RAB7A: variants seen among roughly 807,000 people sequenced by gnomAD.
The protein encoded by RAB7A is ras-related protein Rab-7a.
RAB7A carries 2 observed loss-of-function variants against 24.5 expected under a neutral mutation model. That is an observed-to-expected ratio of 0.08 (90% CI 0.03 to 0.26). The LOEUF (loss-of-function observed/expected upper bound fraction) is 0.26, where lower values mean the gene tolerates loss of function less well. Among genes scored for constraint, RAB7A ranks in the 10% least tolerant of loss-of-function variants. The pLI, the probability that RAB7A is intolerant of heterozygous loss-of-function variation, is 1.00. For synonymous variants in RAB7A, 100 were observed against 95.9 expected (o/e 1.04, Z -0.25); for missense variants, 118 against 255.7 (o/e 0.46, Z 3.67).
At position 128,774,973 on chromosome 3, in the gene RAB7A, G is replaced by A. The variant is rs138810094; in HGVS notation, c.-8-20387G>A. ...TTTTTGTATTTTTAGTAGAGACGGG[G>A]TTTCACCGTTGTTGGCCAGGTTGGT... On this transcript the variant is annotated intron_variant, in intron 1 of 5. Transcript: ENST00000265062. 3.3e-3 allele frequency among the ~76,000 whole-genome samples: 505 copies of A among 152,196 alleles called. 4 individuals carry two copies. Among genetic ancestry groups the A allele is most frequent in the African/African-American group, 0.012 (480 of 41,502 alleles).
chr3:128,742,333 G>A (rs866008151), intron 1 of RAB7A, among the ~76,000 whole-genome samples: 2 of 152,182 alleles, frequency 1.3e-5, no homozygotes, highest in African/African-American at 4.8e-5. Flanking sequence ...GCAGCAGCAA[G>A]ATTTACTGCA....
intron 1 of RAB7A, among the ~76,000 whole-genome samples, chr3:128,760,534 T>G (rs1303540195): frequency 1.3e-5 from 2 of 152,178 alleles, no homozygotes; most frequent in African/African-American, 2.4e-5. Flanking sequence ...TCCTACAATG[T>G]AGAGTGCTAA....
At chr3:128,735,183 A>G (rs1332113393) in intron 1 of RAB7A, among the ~76,000 whole-genome samples, 4 of 152,218 alleles carry the variant, frequency 2.6e-5, no homozygotes, top group Non-Finnish European at 5.9e-5. Flanking sequence ...GAGTTGTTCA[A>G]TGCCTGGGGT....
chr3:128,810,453 A>G (rs751482665), intron 5 of RAB7A, among the ~76,000 whole-genome samples: 3 of 152,178 alleles, frequency 2.0e-5, no homozygotes, highest in African/African-American at 4.8e-5. Flanking sequence ...GGGTCCAACA[A>G]CAGACATTTT....
At chr3:128,730,229 A>C (rs2070420998) in intron 1 of RAB7A, among the ~76,000 whole-genome samples, 1 of 151,854 alleles carries the variant, frequency 6.6e-6, no homozygotes, top group Non-Finnish European at 1.5e-5. Flanking sequence ...TTTGTGTTTT[A>C]AAACTTTTTT....
At chr3:128,742,153 G>A (rs565784426) in intron 1 of RAB7A, among the ~76,000 whole-genome samples, 14 of 151,492 alleles carry the variant, frequency 9.2e-5, no homozygotes, top group Admixed American at 9.2e-4. Context: ...AGACCTCCAC[G>A]GTGAGTGTTA....
intron 1 of RAB7A, among the ~76,000 whole-genome samples, chr3:128,738,190 G>A (rs1332881392): frequency 2.6e-5 from 4 of 151,832 alleles, no homozygotes; most frequent in East Asian, 1.9e-4. Context: ...GTGCCACTAC[G>A]CCCAGTTAAT....
intron 1 of RAB7A, among the ~76,000 whole-genome samples, chr3:128,787,871 C>G (rs1933373616): frequency 6.6e-6 from 1 of 152,140 alleles, no homozygotes; most frequent in Non-Finnish European, 1.5e-5. Flanking sequence ...ACCACCATGC[C>G]CAGGTAATGT....
At chr3:128,776,381 T>G (rs949422733) in intron 1 of RAB7A, among the ~76,000 whole-genome samples, 1 of 152,020 alleles carries the variant, frequency 6.6e-6, no homozygotes, top group African/African-American at 2.4e-5. Context: ...GTGATCCTGA[T>G]CCCTTAGGGC....
At chr3:128,808,019 C>G (rs1179118661) in intron 5 of RAB7A, among the ~76,000 whole-genome samples, 1 of 152,094 alleles carries the variant, frequency 6.6e-6, no homozygotes, top group Non-Finnish European at 1.5e-5. Flanking sequence ...GAATATGAAT[C>G]CCAGCTCTGC....
intron 1 of RAB7A, among the ~76,000 whole-genome samples, chr3:128,773,952 T>G (rs62272588): frequency 0.27 from 40,431 of 150,706 alleles, 6,858 homozygotes; most frequent in African/African-American, 0.48. Flanking sequence ...GCGGAAGGCC[T>G]CAGGGTCCTC....
chr3:128,737,229 C>T (rs150688823), intron 1 of RAB7A, among the ~76,000 whole-genome samples: 3 of 151,804 alleles, frequency 2.0e-5, no homozygotes, highest in African/African-American at 4.8e-5. Context: ...TTAGTAGAGA[C>T]GGGGTGTCAC....
intron 1 of RAB7A, among the ~76,000 whole-genome samples, chr3:128,770,496 T>TA (rs1339378079): frequency 6.6e-6 from 1 of 152,208 alleles, no homozygotes; most frequent in African/African-American, 2.4e-5. Flanking sequence ...GACTGGATTT[T>TA]AAACTAAGCT....
chr3:128,781,286 T>C (rs1163038824), intron 1 of RAB7A, among the ~76,000 whole-genome samples: 1 of 152,224 alleles, frequency 6.6e-6, no homozygotes, highest in East Asian at 1.9e-4. Flanking sequence ...CCATATTTCA[T>C]GTGTCAAATG....
intron 1 of RAB7A, among the ~76,000 whole-genome samples, chr3:128,737,639 C>T (rs928391418): frequency 6.7e-6 from 1 of 150,372 alleles, no homozygotes; most frequent in Non-Finnish European, 1.5e-5. Context: ...AGCCACCTAT[C>T]TTTCTGTCTC....
rs1446977104 is a variant in RAB7A at position 128,814,057 on chromosome 3, T to C, written c.*635T>C. 2 of 157,320 alleles carry C rather than the reference T, an allele frequency of 1.3e-5. No individual in the cohort carries two copies. Among genetic ancestry groups the C allele is most frequent in the African/African-American group, 4.8e-5 (2 of 41,494 alleles). The allele number at this position is 157,320 out of a possible 1,614,324, so 9.7% of individuals were successfully genotyped here. ...TAGAAAAGAATCTTATAGTACATGT[T>C]AATATATGCAACCAATTAAAATGTA... On this transcript the variant is annotated 3_prime_UTR_variant, in exon 6 of 6. Coordinates refer to ENST00000265062, the MANE Select transcript of RAB7A (RefSeq NM_004637.6).
chr3:128,746,739 C>T (rs2070619879), intron 1 of RAB7A, among the ~76,000 whole-genome samples: 1 of 151,680 alleles, frequency 6.6e-6, no homozygotes, highest in Non-Finnish European at 1.5e-5. Flanking sequence ...CCATGTTAGC[C>T]AGGGTGGTCT....
rs538429975 is a variant in RAB7A, at chr3:128,795,610, A to AT, written c.53+196dup. ...CTTTTGTTCTCTAGTTTTTAGCATGATTTTTTATGGGGAACGGATGGCTAT... is the reference window on the plus strand; with the variant it reads ...CTTTTGTTCTCTAGTTTTTAGCATGATTTTTTTATGGGGAACGGATGGCTAT... On this transcript the variant is annotated intron_variant, in intron 2 of 5. Transcript: ENST00000265062. Among the ~76,000 whole-genome samples the AT allele has an allele frequency of 2.5e-4, 38 of 152,002 alleles. No homozygotes were observed. The East Asian group carries it at 3.9e-3, about 15-fold the overall frequency.
chr3:128,740,565 T>C (rs1476641206), intron 1 of RAB7A, among the ~76,000 whole-genome samples: 1 of 151,986 alleles, frequency 6.6e-6, no homozygotes, highest in East Asian at 1.9e-4. Flanking sequence ...GTTTAATGAA[T>C]GGGAAAAATT....
Sources: allele counts gnomAD v4.1 joint callset (sites outside exome capture counted in the v4.1 genomes callset), GRCh38; gene constraint gnomAD v4.1.1; transcripts MANE v1.5; gene names NCBI Gene and HGNC (gene_info 2026-07-23, HGNC 2026-07-21).